The following YTHDC1 variants were observed in gnomAD, a reference collection of about 807,000 sequenced individuals.
The protein encoded by YTHDC1 is YTH N6-methyladenosine RNA binding protein C1.
YTHDC1 carries 12 observed loss-of-function variants against 107.0 expected under a neutral mutation model. That is an observed-to-expected ratio of 0.11 (90% confidence interval 0.07 to 0.18). YTHDC1 has a LOEUF of 0.18. Ranked by LOEUF, YTHDC1 falls within the 10% of genes least tolerant of loss-of-function variation. The probability of loss-of-function intolerance (pLI) is 1.00; values close to 1 mark genes in which losing one functional copy is unlikely to be tolerated. For synonymous variants in YTHDC1, 280 were observed against 289.5 expected, an observed-to-expected ratio of 0.97 and a Z score of 0.33; for missense variants, 635 against 898.8, an observed-to-expected ratio of 0.71 and a Z score of 3.75.
Position 68,322,544 on chromosome 4 carries a change from A to C in YTHDC1, c.1601+205T>G, listed in dbSNP as rs777965863. The C allele has an allele frequency of 3.5e-6, 2 of 572,546 alleles. No homozygotes were observed. The highest frequency in any genetic ancestry group is 6.0e-6 in the Non-Finnish European group (2 of 333,376). 35.5% of individuals were successfully genotyped at this position (572,546 alleles called of 1,614,324 possible). A position where few individuals can be genotyped will look rare whatever the true frequency, so the allele number is the denominator to read the frequency against. On this transcript the variant is annotated intron_variant, in intron 11 of 16. Transcript: ENST00000344157. This position sits in a 1 kb window ranked among gnomAD's most constrained non-coding sequence, Gnocchi z 4.8. ...GGTTATACTTTTTTCTGCATAAGGA[A>C]AGATCCCCATTTTCCTCTTGAAAAA...
intron 1 of YTHDC1, among the ~76,000 whole-genome samples, chr4:68,342,707 G>A (rs898628288): frequency 2.0e-5 from 3 of 152,098 alleles, no homozygotes; most frequent in African/African-American, 4.8e-5. Flanking sequence ...TCACTGACTT[G>A]AAAAAGTACA....
chr4:68,329,893 A>T, intron 9 of YTHDC1, 109 bp downstream of exon 9: 1 of 749,586 alleles, frequency 1.3e-6, no homozygotes, highest in Non-Finnish European at 2.3e-6. Context: ...AAAGGTAGTT[A>T]CTGAACAAGG....
chr4:68,339,366 C>A (rs1724567610), intron 1 of YTHDC1, among the ~76,000 whole-genome samples: 2 of 152,172 alleles, frequency 1.3e-5, no homozygotes, highest in South Asian at 4.1e-4. Context: ...CATATCAAAG[C>A]AGACCTAGAG....
rs1259176433 is a variant in YTHDC1, at chr4:68,311,203, A to C, written c.*2896T>G. On this transcript the variant is annotated 3_prime_UTR_variant, in exon 17 of 17. Coordinates refer to ENST00000344157, the MANE Select transcript of YTHDC1 (RefSeq NM_001031732.4). ...GTCCTTTTGGGGAACTGACATGGAC[A>C]CTGGGAGGAAAATAGTCTCTCTCCT... is the stretch of plus-strand genomic sequence containing the variant. 2.0e-5 allele frequency: 3 copies of C among 152,182 alleles called. No individual in the cohort carries two copies. Among genetic ancestry groups the C allele is most frequent in the Non-Finnish European group, 4.4e-5 (3 of 68,032 alleles). 9.4% of individuals were successfully genotyped at this position (152,182 alleles called of 1,614,324 possible). A position where few individuals can be genotyped will look rare whatever the true frequency, so the allele number is the denominator to read the frequency against.
At chr4:68,339,556 T>C (rs902778418) in intron 1 of YTHDC1, among the ~76,000 whole-genome samples, 4 of 152,202 alleles carry the variant, frequency 2.6e-5, no homozygotes, top group African/African-American at 7.2e-5. Flanking sequence ...AGATATATTA[T>C]GTCTACAACT....
intron 15 of YTHDC1, among the ~76,000 whole-genome samples, 164 bp downstream of exon 15, chr4:68,318,355 G>A (rs758324047): frequency 1.3e-5 from 2 of 152,156 alleles, no homozygotes; most frequent in Non-Finnish European, 2.9e-5. Flanking sequence ...TGATCTAGCC[G>A]CCTCAGCCTC....
intron 1 of YTHDC1, among the ~76,000 whole-genome samples, chr4:68,340,366 ACTTT>A (rs1219102815): frequency 3.3e-5 from 5 of 152,112 alleles, no homozygotes; most frequent in African/African-American, 7.2e-5. Flanking sequence ...GCTGATATGT[ACTTT>A]CTATCATTTT....
intron 1 of YTHDC1, among the ~76,000 whole-genome samples, chr4:68,346,422 C>G (rs1725449857): frequency 6.6e-6 from 1 of 152,118 alleles, no homozygotes; most frequent in African/African-American, 2.4e-5. Context: ...TAGTCCCTCA[C>G]TTATCCAAGG....
rs1035295287 is a variant in YTHDC1 at position 68,325,064 on chromosome 4, A to G, written c.1350-841T>C. Among the ~76,000 whole-genome samples the G allele has an allele frequency of 2.6e-5, 4 of 152,226 alleles. 1 individual carries two copies. In the South Asian group the frequency reaches 8.3e-4, roughly 31 times the overall value. On this transcript the variant is annotated intron_variant, in intron 9 of 16. Coordinates refer to ENST00000344157, the MANE Select transcript of YTHDC1 (RefSeq NM_001031732.4). ...TTGATAAGGTTTTATCTGCCTGTGC[A>G]TAAAACAAATAATGCCAAAATAAAT...
rs1413594975 is a variant in YTHDC1 at position 68,311,738 on chromosome 4, G to C, written c.*2361C>G. On this transcript the variant is annotated 3_prime_UTR_variant, in exon 17 of 17. Coordinates refer to ENST00000344157, the MANE Select transcript of YTHDC1 (RefSeq NM_001031732.4). ...GATACTTGGTAAAAACTTAATGTTG[G>C]CTTTTTAAAATAGATCGACTCAATA... 1 of 152,152 alleles carries C rather than the reference G, an allele frequency of 6.6e-6. No individual in the cohort carries two copies. The highest frequency in any genetic ancestry group is 2.4e-5 in the African/African-American group (1 of 41,440). The allele number at this position is 152,152 out of a possible 1,614,324, so 9.4% of individuals were successfully genotyped here.
chr4:68,335,993 T>C (rs1046094364), intron 4 of YTHDC1, among the ~76,000 whole-genome samples: 3 of 148,454 alleles, frequency 2.0e-5, no homozygotes, highest in African/African-American at 4.9e-5. Flanking sequence ...ACTATCCATA[T>C]AGTATAAATA....
chr4:68,335,666 G>A (rs1724073853), intron 4 of YTHDC1, among the ~76,000 whole-genome samples: 1 of 151,932 alleles, frequency 6.6e-6, no homozygotes, highest in African/African-American at 2.4e-5. Flanking sequence ...CCCTACCCAA[G>A]GGAGTGGTTT....
In YTHDC1 at chr4:68,349,763, T is replaced by A. The variant is rs1296134925; in HGVS notation, c.-10A>T. The A allele has an allele frequency of 7.4e-6, 12 of 1,612,794 alleles. No homozygotes were observed. Among genetic ancestry groups the A allele is most frequent in the Non-Finnish European group, 7.6e-6 (9 of 1,179,610 alleles). On this transcript the variant is annotated 5_prime_UTR_variant, in exon 1 of 17. Transcript: ENST00000344157. ...GACTGTCAGCCGCCATGGCTCCCCT[T>A]CGGTTTCCGCCGCTGCCACCGCCGC...
chr4:68,320,774 C>T (rs1722366081), intron 11 of YTHDC1, among the ~76,000 whole-genome samples: 1 of 152,024 alleles, frequency 6.6e-6, no homozygotes. Context: ...AGCAACTTTA[C>T]AGGAAAGTTT....
chr4:68,320,198 G>T lies in YTHDC1; in HGVS notation c.1609C>A (p.Pro537Thr). The T allele has an allele frequency of 1.6e-5, 25 of 1,605,234 alleles. No individual in the cohort carries two copies. Among genetic ancestry groups the T allele is most frequent in the Non-Finnish European group, 2.1e-5 (25 of 1,177,960 alleles). ...EPVRDVGRRR[P>T]EDYDIHNSRK... ...CTGTTATGAATATCATAATCTTCTGGTCGACGCCTACACAAATTAGACACA... is the reference window on the plus strand; with the variant it reads ...CTGTTATGAATATCATAATCTTCTGTTCGACGCCTACACAAATTAGACACA... Residue 537 changes from proline (P) to threonine (T), a missense_variant, in exon 12 of 17, where the codon CCA becomes ACA. Physicochemically the swap from Pro to Thr is conservative, Grantham distance 38 (BLOSUM62 -1). Transcript: ENST00000344157.
At chr4:68,325,530 A>C (rs1031039266) in intron 9 of YTHDC1, among the ~76,000 whole-genome samples, 1 of 152,162 alleles carries the variant, frequency 6.6e-6, no homozygotes, top group Non-Finnish European at 1.5e-5. Context: ...CTTGAAAGTG[A>C]ATATTGCCTG....
intron 4 of YTHDC1, 96 bp downstream of exon 4, chr4:68,336,931 C>A: frequency 1.4e-6 from 2 of 1,439,230 alleles, no homozygotes; most frequent in Non-Finnish European, 1.8e-6. Flanking sequence ...TATTAATATC[C>A]CCCATCTCCT....
chr4:68,339,346 A>G (rs760213229), intron 1 of YTHDC1, among the ~76,000 whole-genome samples: 4 of 152,238 alleles, frequency 2.6e-5, no homozygotes, highest in Non-Finnish European at 5.9e-5. Flanking sequence ...ACAAAGAGTA[A>G]GAACTATTTC....
chr4:68,348,528 T>C (rs772173438), intron 1 of YTHDC1, among the ~76,000 whole-genome samples: 1 of 149,348 alleles, frequency 6.7e-6, no homozygotes, highest in African/African-American at 2.5e-5. Flanking sequence ...AGTTTAAGGA[T>C]GGAACATTAA....
Sources: gnomAD v4.1 joint callset for allele counts (sites outside exome capture counted in the v4.1 genomes callset) on GRCh38, gnomAD v4.1.1 for gene constraint, Gnocchi (gnomAD v3.1) non-coding constraint, MANE v1.5 for transcripts, NCBI Gene and HGNC (gene_info 2026-07-23, HGNC 2026-07-21) for gene names.